The following DPP10 variants were observed in gnomAD, a reference collection of about 807,000 sequenced individuals.
DPP10 encodes the protein inactive dipeptidyl peptidase 10.
In DPP10, 33 loss-of-function variants were observed where a neutral mutation model predicts 120.9. That is an observed-to-expected ratio of 0.27 (90% CI 0.21 to 0.37). The LOEUF (loss-of-function observed/expected upper bound fraction) is 0.37. Among genes scored for constraint, DPP10 ranks in the 10% least tolerant of loss-of-function variants. DPP10 has a pLI of 1.00. For missense variants in DPP10, 816 were observed against 942.8 expected, an observed-to-expected ratio of 0.87 and a Z score of 1.76; for synonymous variants, 337 against 326.1, an observed-to-expected ratio of 1.03 and a Z score of -0.36.
chr2:115,036,480 C>G (rs1449615957), intron 1 of DPP10, among the ~76,000 whole-genome samples: 1 of 152,010 alleles, frequency 6.6e-6, no homozygotes, highest in African/African-American at 2.4e-5. Flanking sequence ...ATTTTTAGTC[C>G]AATTATTACA....
In DPP10 at chr2:114,884,542, C is replaced by T. The variant is rs116759964; in HGVS notation, c.61-424697C>T. On this transcript the variant is annotated intron_variant, in intron 1 of 25. Coordinates refer to ENST00000410059, the MANE Select transcript of DPP10 (RefSeq NM_020868.6). Reference sequence around the variant, plus strand: ...ACCAATCTGACTCTTACTCCTCTGTCTCCCCCTTCCACGTTTATGTTTTTT... The same window carrying T: ...ACCAATCTGACTCTTACTCCTCTGTTTCCCCCTTCCACGTTTATGTTTTTT... Among the ~76,000 whole-genome samples, 1,350 of 152,262 alleles carry T rather than the reference C, an allele frequency of 8.9e-3. 11 individuals carry two copies. Among genetic ancestry groups the T allele is most frequent in the African/African-American group, 0.03 (1,265 of 41,546 alleles).
At chr2:114,779,288 C>T (rs916084643) in intron 1 of DPP10, among the ~76,000 whole-genome samples, 22 of 152,094 alleles carry the variant, frequency 1.4e-4, no homozygotes, top group Admixed American at 4.6e-4. Context: ...GAGGAAAAAA[C>T]AGGCAACCAG....
intron 1 of DPP10, among the ~76,000 whole-genome samples, chr2:115,290,303 TAA>T (rs960783356): frequency 2.0e-5 from 3 of 152,140 alleles, no homozygotes; most frequent in Admixed American, 6.6e-5. Flanking sequence ...TCCAAAATTA[TAA>T]GTTAGCTTTC....
At chr2:115,633,846 A>C (rs549261389) in intron 5 of DPP10, among the ~76,000 whole-genome samples, 1 of 152,206 alleles carries the variant, frequency 6.6e-6, no homozygotes, top group African/African-American at 2.4e-5. Flanking sequence ...TAGGTTGAAA[A>C]AGTTCTCCTG....
chr2:115,558,070 G>A (rs1200634652), intron 5 of DPP10, among the ~76,000 whole-genome samples: 1 of 152,108 alleles, frequency 6.6e-6, no homozygotes, highest in African/African-American at 2.4e-5. Flanking sequence ...GTACATTTGT[G>A]TGTGTGTTTA....
chr2:114,631,304 GT>G (rs1326560776), intron 1 of DPP10, among the ~76,000 whole-genome samples: 1 of 152,028 alleles, frequency 6.6e-6, no homozygotes, highest in African/African-American at 2.4e-5. Flanking sequence ...CCCACTGTGA[GT>G]CCCCTCTAAA....
intron 4 of DPP10, among the ~76,000 whole-genome samples, chr2:115,500,766 C>A (rs930442647): frequency 3.3e-5 from 5 of 151,982 alleles, no homozygotes. Context: ...ATATGTACAG[C>A]AGATTGCCTA....
At chr2:115,548,570 C>T (rs966007813) in intron 5 of DPP10, among the ~76,000 whole-genome samples, 2 of 152,062 alleles carry the variant, frequency 1.3e-5, no homozygotes, top group African/African-American at 2.4e-5. Flanking sequence ...ATATTATCAA[C>T]AGATTTCAAG....
At position 115,842,274 on chromosome 2, in the gene DPP10, C is replaced by T. The variant is rs764226068; in HGVS notation, c.2320C>T (p.Leu774Phe). The T allele has an allele frequency of 3.1e-5, 50 of 1,613,808 alleles. No homozygotes were observed. Among genetic ancestry groups the T allele is most frequent in the Non-Finnish European group, 4.2e-5 (49 of 1,179,876 alleles). Reference sequence around the variant, plus strand: ...CAAGTATCATCTCTACAGCACAATCCTCAAATTCTTCAGTGATTGTTTGAA... The same window carrying T: ...CAAGTATCATCTCTACAGCACAATCTTCAAATTCTTCAGTGATTGTTTGAA... ...KSKYHLYSTI[L>F]KFFSDCLKEE... The change falls in exon 26 of 26, where the codon CTC becomes TTC. Residue 774 changes from leucine (L) to phenylalanine (F), a missense_variant. Leu to Phe is a conservative substitution (Grantham distance 22). Transcript: ENST00000410059.
intron 1 of DPP10, among the ~76,000 whole-genome samples, chr2:114,946,704 AT>A (rs1207862882): frequency 3.3e-5 from 5 of 150,900 alleles, no homozygotes; most frequent in South Asian, 2.1e-4. Flanking sequence ...TTCATTTAGG[AT>A]TTTTTTTGTT....
At chr2:114,883,999 C>CT (rs1558841655) in intron 1 of DPP10, among the ~76,000 whole-genome samples, 1 of 151,404 alleles carries the variant, frequency 6.6e-6, no homozygotes, top group Non-Finnish European at 1.5e-5. Flanking sequence ...CCATTTTTGT[C>CT]TTTTTTTGCA....
chr2:115,486,119 T>C (rs528456059), intron 3 of DPP10, among the ~76,000 whole-genome samples: 41 of 152,286 alleles, frequency 2.7e-4, no homozygotes, highest in African/African-American at 9.1e-4. Flanking sequence ...ATTTATATTA[T>C]TTTAAAATCG....
Position 115,768,422 on chromosome 2 carries a change from T to A in DPP10, c.1221+18T>A, listed in dbSNP as rs375245066. 7 of 1,606,076 alleles carry A rather than the reference T, an allele frequency of 4.4e-6. No individual in the cohort carries two copies. The African/African-American group carries it at 9.4e-5, about 22-fold the overall frequency. On this transcript the variant is annotated intron_variant, in intron 13 of 25. Coordinates refer to ENST00000410059, the MANE Select transcript of DPP10 (RefSeq NM_020868.6). ...TCATCCAGGTAAGTGCTGGCTTTTT[T>A]CCATGTTTTGATTTCATTGTCCTCA...
chr2:115,042,753 G>T (rs1704759771), intron 1 of DPP10, among the ~76,000 whole-genome samples: 1 of 152,174 alleles, frequency 6.6e-6, no homozygotes, highest in Non-Finnish European at 1.5e-5. Flanking sequence ...TGATCCATCA[G>T]TTTCAATTCA....
intron 5 of DPP10, among the ~76,000 whole-genome samples, chr2:115,654,355 G>T: frequency 6.6e-6 from 1 of 151,802 alleles, no homozygotes; most frequent in Admixed American, 6.6e-5. Flanking sequence ...CATTAATAAC[G>T]TTTTCTATTA....
At chr2:115,529,400 C>T (rs148585889) in intron 5 of DPP10, among the ~76,000 whole-genome samples, 20 of 151,588 alleles carry the variant, frequency 1.3e-4, no homozygotes, top group African/African-American at 4.3e-4. Context: ...AACTCCTGAC[C>T]TCAGGGGATC....
At position 114,466,225 on chromosome 2, in the gene DPP10, C is replaced by T. The variant is rs531094181; in HGVS notation, c.60+23387C>T. ...AAATGTATCAGAACATTCTATAAAG[C>T]CACAATAACTAAGGCAATCTGATAT... On this transcript the variant is annotated intron_variant, in intron 1 of 25. Coordinates refer to ENST00000410059, the MANE Select transcript of DPP10 (RefSeq NM_020868.6). 2.0e-5 allele frequency among the ~76,000 whole-genome samples: 3 copies of T among 152,086 alleles called. No individual in the cohort carries two copies. The South Asian group carries it at 6.2e-4, about 32-fold the overall frequency.
chr2:114,674,341 C>T (rs1178773013), intron 1 of DPP10, among the ~76,000 whole-genome samples: 1 of 151,776 alleles, frequency 6.6e-6, no homozygotes, highest in African/African-American at 2.4e-5. Context: ...TCATAATATT[C>T]CATTAAATGA....
At chr2:114,508,016 C>T (rs73946186) in intron 1 of DPP10, among the ~76,000 whole-genome samples, 3,289 of 151,592 alleles carry the variant, frequency 0.022, 118 homozygotes, top group African/African-American at 0.076. Context: ...TGCTTCCATC[C>T]TTCCTTCCTT....
Sources: allele counts gnomAD v4.1 joint callset (sites outside exome capture counted in the v4.1 genomes callset), GRCh38; gene constraint gnomAD v4.1.1; transcripts MANE v1.5; gene names NCBI Gene and HGNC (gene_info 2026-07-23, HGNC 2026-07-21).